Variants in FGFR1 observed in about 807,000 individuals in gnomAD.
The protein encoded by FGFR1 is fibroblast growth factor receptor 1.
A neutral mutation model predicts 93.7 loss-of-function variants in FGFR1; 18 were observed. The observed-to-expected ratio is 0.19, with a 90% CI of 0.13 to 0.28. The LOEUF (loss-of-function observed/expected upper bound fraction) is 0.28. Among genes scored for constraint, FGFR1 ranks in the 10% least tolerant of loss-of-function variants. The pLI is 1.00. For missense variants in FGFR1, 731 were observed against 1,080.4 expected (o/e 0.68, Z 4.53); for synonymous variants, 448 against 429.3 (o/e 1.04, Z -0.54).
rs766382730 is a variant in FGFR1 at position 38,419,600 on chromosome 8, CTCT to C, written c.1214_1216del (p.Lys405del). On this transcript the variant is annotated inframe_deletion, in exon 9 of 18. Transcript: ENST00000447712. The stretch of plus-strand genomic sequence containing the variant: ...CACAGCCATCTGGCTGTGGAAGTCA[CTCT>C]TCTTGGTACCACTCTTCATCTTGTA... 5 of 1,614,138 alleles carry C rather than the reference CTCT, an allele frequency of 3.1e-6. No individual in the cohort carries two copies. The highest frequency in any genetic ancestry group is 4.2e-6 in the Non-Finnish European group (5 of 1,180,022).
At chr8:38,446,225 TTTTA>T (rs1167868411) in intron 2 of FGFR1, among the ~76,000 whole-genome samples, 12 of 150,094 alleles carry the variant, frequency 8.0e-5, no homozygotes, top group African/African-American at 2.7e-4. Flanking sequence ...TTTTTTTTTT[TTTTA>T]AAGAGGAAGT....
intron 9 of FGFR1, 88 bp from the exon 10 acceptor site, chr8:38,418,461 C>G (rs561437585): frequency 2.7e-5 from 39 of 1,439,154 alleles, no homozygotes; most frequent in Non-Finnish European, 3.5e-5. Flanking sequence ...CCAACAATGG[C>G]AGAGGCACAT....
At chr8:38,425,044 T>G (rs1405833089) in intron 6 of FGFR1, among the ~76,000 whole-genome samples, 1 of 152,168 alleles carries the variant, frequency 6.6e-6, no homozygotes, top group African/African-American at 2.4e-5. Flanking sequence ...CTATTCAAAG[T>G]GTGGTCCACG....
chr8:38,412,744 T>C lies in FGFR1; in HGVS notation c.*884A>G. The C allele has an allele frequency of 4.3e-6, 1 of 233,612 alleles. No homozygotes were observed. Among genetic ancestry groups the C allele is most frequent in the Non-Finnish European group, 8.5e-6 (1 of 118,014 alleles). 14.5% of individuals were successfully genotyped at this position (233,612 alleles called of 1,614,324 possible). On this transcript the variant is annotated 3_prime_UTR_variant, in exon 18 of 18. Transcript: ENST00000447712. ...CCATAGATAAATGAAGCAGCAGCAATTTTTATTGAGGGACCTAAACTGAAA... is the reference window on the plus strand; with the variant it reads ...CCATAGATAAATGAAGCAGCAGCAACTTTTATTGAGGGACCTAAACTGAAA...
chr8:38,430,001 AG>A, intron 2 of FGFR1, 53 bp from the exon 3 acceptor site: 1 of 1,538,794 alleles, frequency 6.5e-7, no homozygotes. Flanking sequence ...AGAGGAAGAC[AG>A]GGAGAGGGGA....
In FGFR1 at chr8:38,430,098, C is replaced by A. The variant is rs1822429827; in HGVS notation, c.92-150G>T. ...CTTACTGGAGGCTACTGAGCCAGGG[C>A]AGTGGGAATTGGAGCATGGGTCAGT... On this transcript the variant is annotated intron_variant, in intron 2 of 17. Transcript: ENST00000447712. 11 of 773,824 alleles carry A rather than the reference C, an allele frequency of 1.4e-5. No individual in the cohort carries two copies. The East Asian group carries it at 3.0e-4, about 21-fold the overall frequency. 47.9% of individuals were successfully genotyped at this position (773,824 alleles called of 1,614,324 possible). A position where few individuals can be genotyped will look rare whatever the true frequency, so the allele number is the denominator to read the frequency against.
intron 6 of FGFR1, chr8:38,425,855 G>T (rs774306973): frequency 2.0e-6 from 1 of 508,958 alleles, no homozygotes. Flanking sequence ...CTCCAACAAC[G>T]CCTCCTTCAG....
At chr8:38,463,285 C>T (rs1416967416) in intron 1 of FGFR1, 3 of 178,934 alleles carry the variant, frequency 1.7e-5, no homozygotes, top group Admixed American at 6.3e-5. Context: ...CATGCCATTC[C>T]TTGTTCTGCA....
At chr8:38,455,228 G>A (rs959298112) in intron 2 of FGFR1, among the ~76,000 whole-genome samples, 5 of 151,918 alleles carry the variant, frequency 3.3e-5, no homozygotes, top group African/African-American at 4.8e-5. Flanking sequence ...CTCCTGCCTC[G>A]GCTTCCCAAA....
In FGFR1 at chr8:38,414,252, G is replaced by A. The variant is rs2150535472; in HGVS notation, c.2086C>T (p.Leu696=). 6.2e-7 allele frequency: 1 copy of A among 1,614,170 alleles called. No individual in the cohort carries two copies. Among genetic ancestry groups the A allele is most frequent in the Non-Finnish European group, 8.5e-7 (1 of 1,180,026 alleles). ...FGVLLWEIFT[L]GGSPYPGVPV... ...ACACCGGGGTATGGGGAGCCGCCCA[G>A]AGTGAAGATCTCCCACAGGAGCACC... The change falls in exon 16 of 18, where the codon CTG becomes TTG. Residue 696 remains leucine (L), a synonymous_variant. Coordinates refer to ENST00000447712, the MANE Select transcript of FGFR1 (RefSeq NM_023110.3).
At chr8:38,463,669 G>A (rs190673196) in intron 1 of FGFR1, among the ~76,000 whole-genome samples, 46 of 152,298 alleles carry the variant, frequency 3.0e-4, no homozygotes, top group African/African-American at 1.1e-3. Flanking sequence ...CAGAAAAAGA[G>A]GCTGAGAATA....
rs996821000 is a variant in FGFR1, at chr8:38,455,007, ACT to A, written c.91+2347_91+2348del. Among the ~76,000 whole-genome samples, 8 of 112,450 alleles carry A rather than the reference ACT, an allele frequency of 7.1e-5. No homozygotes were observed. The Admixed American group carries it at 7.3e-4, about 10-fold the overall frequency. 73.8% of individuals were successfully genotyped at this position (112,450 alleles called of 152,430 possible). On this transcript the variant is annotated intron_variant, in intron 2 of 17. Coordinates refer to ENST00000447712, the MANE Select transcript of FGFR1 (RefSeq NM_023110.3). ...TTTTTTTTTTTTTAGACAGAGTTTCACTCTGTCACCCAGGCTGAAGTGAAGCG... is the reference window on the plus strand; with the variant it reads ...TTTTTTTTTTTTTAGACAGAGTTTCACTGTCACCCAGGCTGAAGTGAAGCG...
chr8:38,444,539 C>T (rs1010958624), intron 2 of FGFR1, among the ~76,000 whole-genome samples: 8 of 150,550 alleles, frequency 5.3e-5, no homozygotes, highest in African/African-American at 2.0e-4. Flanking sequence ...TAGGCACTTG[C>T]CACCACGCGT....
rs992632878 is a variant in FGFR1, at chr8:38,467,549, C to T, written c.-89+432G>A. 6.0e-5 allele frequency: 14 copies of T among 234,424 alleles called. No individual in the cohort carries two copies. In the East Asian group the frequency reaches 7.2e-4, roughly 12 times the overall value. The allele number at this position is 234,424 out of a possible 1,614,324, so 14.5% of individuals were successfully genotyped here. ...GACCAAAAAGACATGGAGTGGAATG[C>T]AACACACACACATAACACACACAAC... is the stretch of plus-strand genomic sequence containing the variant. On this transcript the variant is annotated intron_variant, in intron 1 of 17. Coordinates refer to ENST00000447712, the MANE Select transcript of FGFR1 (RefSeq NM_023110.3).
At chr8:38,422,990 TC>T in intron 7 of FGFR1, 1 of 776,770 alleles carries the variant, frequency 1.3e-6, no homozygotes. Context: ...CTACATCAAA[TC>T]CCCAGCACAG....
intron 2 of FGFR1, among the ~76,000 whole-genome samples, chr8:38,441,061 C>T (rs371452058): frequency 6.6e-6 from 1 of 151,944 alleles, no homozygotes; most frequent in Non-Finnish European, 1.5e-5. Flanking sequence ...GCACCCGCCC[C>T]GAGACCCCCC....
intron 9 of FGFR1, 39 bp downstream of exon 9, chr8:38,419,494 A>G (rs1430737034): frequency 1.9e-6 from 3 of 1,560,162 alleles, no homozygotes; most frequent in African/African-American, 1.4e-5. Context: ...GCCCAGAGAG[A>G]GAGGTGGTGC....
At chr8:38,448,439 C>T (rs896933368) in intron 2 of FGFR1, among the ~76,000 whole-genome samples, 26 of 152,190 alleles carry the variant, frequency 1.7e-4, no homozygotes, top group Non-Finnish European at 2.5e-4. Context: ...GCCACCACAC[C>T]TGGCCAATTT....
intron 2 of FGFR1, among the ~76,000 whole-genome samples, chr8:38,450,207 T>C (rs571705006): frequency 7.9e-5 from 12 of 152,038 alleles, no homozygotes; most frequent in East Asian, 1.9e-4. Context: ...GGAGAAGGGA[T>C]TGCCTGCCTG....
Sources: gnomAD v4.1 joint callset for allele counts (sites outside exome capture counted in the v4.1 genomes callset) on GRCh38, gnomAD v4.1.1 for gene constraint, MANE v1.5 for transcripts, NCBI Gene and HGNC (gene_info 2026-07-23, HGNC 2026-07-21) for gene names.